Variants in POF1B observed in about 807,000 individuals in gnomAD.
POF1B encodes the protein POF1B actin binding protein, also known as protein POF1B.
In POF1B, 53 loss-of-function variants were observed where a neutral mutation model predicts 55.3. The observed-to-expected ratio is 0.96, with a 90% confidence interval of 0.77 to 1.20. POF1B has a LOEUF of 1.20. Ranked by LOEUF, POF1B falls within the 50% of genes most tolerant of loss-of-function variation. The pLI is 0.00. For missense variants in POF1B, 478 were observed against 420.5 expected (o/e 1.14, Z -1.20); for synonymous variants, 188 against 148.3 (o/e 1.27, Z -1.95).
chrX:85,336,311 A>G (rs745352278), intron 6 of POF1B, among the ~76,000 whole-genome samples: 214 of 110,456 alleles, frequency 1.9e-3, no homozygotes, highest in African/African-American at 6.7e-3. Context: ...CCTTTCTTTT[A>G]TGTATATACC....
In POF1B at chrX:85,282,272, G is replaced by A. The variant is rs768642216; in HGVS notation, c.1695C>T (p.Tyr565=). 1.8e-5 allele frequency: 21 copies of A among 1,188,993 alleles called. No individual in the cohort carries two copies. The highest frequency in any genetic ancestry group is 1.1e-4 in the Admixed American group (5 of 43,693). ...TTTCACTACCTGGTGGTATATATTC[G>A]TAGTCATCATATAGGAGGCCTAGGA... ...YPILGLLYDD[Y]EYIPPGSETQ... The change falls in exon 16 of 17, where the codon TAC becomes TAT. Residue 565 remains tyrosine, a synonymous_variant. Coordinates refer to ENST00000262753, the MANE Select transcript of POF1B (RefSeq NM_024921.4).
At chrX:85,366,096 C>G (rs1045986199) in intron 3 of POF1B, among the ~76,000 whole-genome samples, 3 of 111,664 alleles carry the variant, frequency 2.7e-5, no homozygotes, top group Non-Finnish European at 5.7e-5. Context: ...ATAAACTTAA[C>G]AAAAAGTGTT....
At chrX:85,312,481 T>A (rs1932727852) in intron 9 of POF1B, among the ~76,000 whole-genome samples, 1 of 111,463 alleles carries the variant, frequency 9.0e-6, no homozygotes. Context: ...GATCCAATAG[T>A]TGTAAATGTG....
chrX:85,279,353 T>G lies in POF1B; in HGVS notation c.*68A>C. The G allele has an allele frequency of 9.6e-7, 1 of 1,041,240 alleles. No individual in the cohort carries two copies. Among genetic ancestry groups the G allele is most frequent in the Non-Finnish European group, 1.3e-6 (1 of 757,999 alleles). The allele number at this position is 1,041,240 out of a possible 1,213,427, so 85.8% of individuals were successfully genotyped here. Reference sequence around the variant, plus strand: ...CTTTAGTGATGGAAAAATAACAAAGTACTAATGCAGAGACACACACACAAA... The same window carrying G: ...CTTTAGTGATGGAAAAATAACAAAGGACTAATGCAGAGACACACACACAAA... On this transcript the variant is annotated 3_prime_UTR_variant, in exon 17 of 17. Coordinates refer to ENST00000262753, the MANE Select transcript of POF1B (RefSeq NM_024921.4).
chrX:85,312,526 T>C (rs1603037922), intron 9 of POF1B, among the ~76,000 whole-genome samples: 1 of 111,249 alleles, frequency 9.0e-6, no homozygotes, highest in Admixed American at 9.6e-5. Flanking sequence ...TCTGTTCCAT[T>C]GGTCTATCTC....
In POF1B at chrX:85,279,461, G is replaced by T. The variant is rs759741335; in HGVS notation, c.1765-35C>A. On this transcript the variant is annotated intron_variant, in intron 16 of 16. Coordinates refer to ENST00000262753, the MANE Select transcript of POF1B (RefSeq NM_024921.4). Reference sequence around the variant, plus strand: ...AAAAAAAAAGGTTATCTTACAACTGGTTCATAATTAAAGTCATTGTTACTA... The same window carrying T: ...AAAAAAAAAGGTTATCTTACAACTGTTTCATAATTAAAGTCATTGTTACTA... 3 of 1,149,514 alleles carry T rather than the reference G, an allele frequency of 2.6e-6. No homozygotes were observed. The South Asian group carries it at 5.5e-5, about 21-fold the overall frequency. 94.7% of individuals were successfully genotyped at this position (1,149,514 alleles called of 1,213,427 possible).
At chrX:85,327,498 G>T (rs113574556) in intron 7 of POF1B, among the ~76,000 whole-genome samples, 2 of 111,732 alleles carry the variant, frequency 1.8e-5, no homozygotes, top group African/African-American at 6.5e-5. Flanking sequence ...AGAACTGAAG[G>T]TTCCCTTTTC....
rs779498675 is a variant in POF1B, at chrX:85,314,543, A to G, written c.883-37T>C. 4.9e-6 allele frequency: 5 copies of G among 1,029,941 alleles called. No individual in the cohort carries two copies. In the South Asian group the frequency reaches 1.2e-4, roughly 25 times the overall value. The allele number at this position is 1,029,941 out of a possible 1,213,427, so 84.9% of individuals were successfully genotyped here. On this transcript the variant is annotated intron_variant, in intron 8 of 16. Coordinates refer to ENST00000262753, the MANE Select transcript of POF1B (RefSeq NM_024921.4). ...AAAGGCTTATCCATGGAACAGATAC[A>G]TATCAATCTTAAGATCAGCAATCCA...
At chrX:85,378,216 G>A (rs1166062793) in intron 2 of POF1B, among the ~76,000 whole-genome samples, 1 of 111,488 alleles carries the variant, frequency 9.0e-6, no homozygotes, top group East Asian at 2.8e-4. Flanking sequence ...AAAATAATAT[G>A]TATTACTCCT....
intron 3 of POF1B, among the ~76,000 whole-genome samples, chrX:85,363,871 A>G (rs1025941407): frequency 4.5e-5 from 5 of 111,164 alleles, no homozygotes; most frequent in African/African-American, 9.8e-5. Flanking sequence ...CTATTATCGC[A>G]TGGGAGTCTG....
chrX:85,309,722 G>A (rs749151954), intron 9 of POF1B, among the ~76,000 whole-genome samples: 2 of 111,591 alleles, frequency 1.8e-5, no homozygotes, highest in Admixed American at 9.6e-5. Context: ...CACCACAGAA[G>A]AAATTGCAAC....
chrX:85,306,610 T>C (rs1932580375), intron 11 of POF1B, among the ~76,000 whole-genome samples: 1 of 111,165 alleles, frequency 9.0e-6, no homozygotes, highest in South Asian at 3.7e-4. Flanking sequence ...GTGACAATAC[T>C]GTACCCTGCT....
At chrX:85,280,240 G>A (rs1353095787) in intron 16 of POF1B, among the ~76,000 whole-genome samples, 1 of 111,272 alleles carries the variant, frequency 9.0e-6, no homozygotes, top group Non-Finnish European at 1.9e-5. Context: ...GTTTCTAGAA[G>A]TTATTTAACA....
intron 7 of POF1B, among the ~76,000 whole-genome samples, chrX:85,325,459 A>T (rs1411134789): frequency 8.9e-6 from 1 of 111,879 alleles, no homozygotes; most frequent in Non-Finnish European, 1.9e-5. Flanking sequence ...ACCTTTATCA[A>T]TTCTGCTGTT....
chrX:85,372,224 T>G (rs1384195345), intron 2 of POF1B, among the ~76,000 whole-genome samples: 2 of 108,677 alleles, frequency 1.8e-5, no homozygotes, highest in Non-Finnish European at 3.8e-5. Context: ...GGCGCCTATA[T>G]TCCCAGCTAC....
rs751560456 is a variant in POF1B at position 85,279,069 on chromosome X, T to C, written c.*352A>G. ...GAAAATCTTCTAATGGCATGACTTG[T>C]AAAATCTCTACCCCAACAAATTAGT... is the stretch of plus-strand genomic sequence containing the variant. On this transcript the variant is annotated 3_prime_UTR_variant, in exon 17 of 17. Transcript: ENST00000262753. 26 of 159,821 alleles carry C rather than the reference T, an allele frequency of 1.6e-4. No homozygotes were observed. The East Asian group carries it at 3.2e-3, about 19-fold the overall frequency. The allele number at this position is 159,821 out of a possible 1,213,427, so 13.2% of individuals were successfully genotyped here.
intron 15 of POF1B, among the ~76,000 whole-genome samples, chrX:85,295,726 T>C (rs1318459590): frequency 8.9e-6 from 1 of 112,192 alleles, no homozygotes; most frequent in Non-Finnish European, 1.9e-5. Context: ...TGTTGATGTC[T>C]ATTAGGTCCA....
At chrX:85,371,607 C>A (rs1405182921) in intron 2 of POF1B, among the ~76,000 whole-genome samples, 1 of 110,924 alleles carries the variant, frequency 9.0e-6, no homozygotes, top group Non-Finnish European at 1.9e-5. Context: ...TTGCTTGCTT[C>A]ATTATATTTT....
intron 6 of POF1B, among the ~76,000 whole-genome samples, chrX:85,343,191 A>G (rs1190855615): frequency 9.1e-6 from 1 of 110,296 alleles, no homozygotes; most frequent in Non-Finnish European, 1.9e-5. Flanking sequence ...AAGTATAATA[A>G]AAAAAGAGAT....
Sources: allele counts gnomAD v4.1 joint callset (sites outside exome capture counted in the v4.1 genomes callset), GRCh38; gene constraint gnomAD v4.1.1; transcripts MANE v1.5; gene names NCBI Gene and HGNC (gene_info 2026-07-23, HGNC 2026-07-21).